The following PRKCE variants were observed in gnomAD, a reference collection of about 807,000 sequenced individuals.
PRKCE encodes protein kinase C epsilon type.
In PRKCE, 16 loss-of-function variants were observed where a neutral mutation model predicts 85.4. The observed-to-expected ratio is 0.19, with a 90% CI of 0.13 to 0.28. The LOEUF is 0.28. Ranked by LOEUF, PRKCE falls within the 10% of genes least tolerant of loss-of-function variation. The pLI is 1.00. For missense variants in PRKCE, 573 were observed against 975.2 expected (o/e 0.59, Z 5.49); for synonymous variants, 388 against 371.5 (o/e 1.04, Z -0.51).
chr2:45,801,178 G>A (rs1322644924), intron 1 of PRKCE, among the ~76,000 whole-genome samples: 1 of 152,180 alleles, frequency 6.6e-6, no homozygotes, highest in Non-Finnish European at 1.5e-5. Context: ...CCACATGTGG[G>A]GACTGATGGC....
intron 6 of PRKCE, among the ~76,000 whole-genome samples, chr2:45,987,763 A>G (rs1384271223): frequency 3.3e-5 from 5 of 152,320 alleles, no homozygotes; most frequent in East Asian, 3.9e-4. Flanking sequence ...CCATGATAGT[A>G]TCATACAGAT....
At position 46,010,550 on chromosome 2, in the gene PRKCE, T is replaced by C. The variant is rs764940576; in HGVS notation, c.1437+33T>C. 1.8e-5 allele frequency: 28 copies of C among 1,598,148 alleles called. No homozygotes were observed. The East Asian group carries it at 6.2e-4, about 36-fold the overall frequency. On this transcript the variant is annotated intron_variant, in intron 10 of 14. Transcript: ENST00000306156. ...AGGAAGAAGCTGGCTGGCTGCCATG[T>C]TGGGGCATCTTGACTATCAGATAAA... is the stretch of plus-strand genomic sequence containing the variant.
At chr2:45,820,395 T>C (rs1392557255) in intron 1 of PRKCE, among the ~76,000 whole-genome samples, 2 of 150,896 alleles carry the variant, frequency 1.3e-5, no homozygotes, top group Admixed American at 1.3e-4. Context: ...AAAATGTAGG[T>C]AGATTTTATT....
chr2:45,656,684 C>T (rs1675394161), intron 1 of PRKCE, among the ~76,000 whole-genome samples: 1 of 152,048 alleles, frequency 6.6e-6, no homozygotes, highest in Non-Finnish European at 1.5e-5. Flanking sequence ...ATCCTCTGGC[C>T]CAACCTTGAG....
intron 6 of PRKCE, among the ~76,000 whole-genome samples, chr2:45,991,065 G>T (rs905313070): frequency 1.3e-5 from 2 of 150,296 alleles, no homozygotes; most frequent in East Asian, 3.9e-4. Flanking sequence ...GGAGTGCAGC[G>T]GTGCAATCTC....
intron 13 of PRKCE, among the ~76,000 whole-genome samples, chr2:46,153,099 G>C (rs1676806869): frequency 6.6e-6 from 1 of 151,868 alleles, no homozygotes; most frequent in African/African-American, 2.4e-5. Context: ...AACATGCTAG[G>C]CATGGTGCTA....
chr2:45,943,549 TG>T (rs1700032523), intron 2 of PRKCE, among the ~76,000 whole-genome samples: 3 of 152,260 alleles, frequency 2.0e-5, no homozygotes, highest in Non-Finnish European at 4.4e-5. Flanking sequence ...AGACTCAAAA[TG>T]GTTGAGGTTA....
chr2:45,707,191 C>T (rs146630195), intron 1 of PRKCE, among the ~76,000 whole-genome samples: 35 of 152,212 alleles, frequency 2.3e-4, no homozygotes, highest in Non-Finnish European at 4.7e-4. Flanking sequence ...AGATATTCCT[C>T]GGCTGGAGCA....
intron 1 of PRKCE, among the ~76,000 whole-genome samples, chr2:45,702,196 C>T (rs144348363): frequency 6.6e-5 from 10 of 152,128 alleles, no homozygotes; most frequent in South Asian, 2.1e-4. Flanking sequence ...CAAAAAACAA[C>T]GACAACAACA....
At chr2:45,951,203 C>T (rs1019940275) in intron 2 of PRKCE, among the ~76,000 whole-genome samples, 2 of 152,182 alleles carry the variant, frequency 1.3e-5, no homozygotes, top group Non-Finnish European at 2.9e-5. Flanking sequence ...TGGGGAGTGG[C>T]TCTGGAGTTT....
chr2:46,026,860 C>T (rs1033822945), intron 10 of PRKCE, among the ~76,000 whole-genome samples: 5 of 152,134 alleles, frequency 3.3e-5, no homozygotes, highest in African/African-American at 9.7e-5. Context: ...AAACAATATT[C>T]TTAGGAGGAA....
intron 2 of PRKCE, among the ~76,000 whole-genome samples, chr2:45,930,151 G>C (rs2104032486): frequency 6.6e-6 from 1 of 152,312 alleles, no homozygotes; most frequent in Non-Finnish European, 1.5e-5. Context: ...CCTGATTACT[G>C]TTCTGTGCGA....
rs56086039 is a variant in PRKCE at position 46,099,500 on chromosome 2, A to ATTTT, written c.1592+13149_1592+13152dup. 4.2e-3 allele frequency among the ~76,000 whole-genome samples: 615 copies of ATTTT among 146,676 alleles called. 5 individuals carry two copies. Among genetic ancestry groups the ATTTT allele is most frequent in the African/African-American group, 0.014 (570 of 39,832 alleles). ...ACCTTTTCCTGGAATAAGGTATGGT[A>ATTTT]TTTTTTTTTTTTTTACGCTAACTTT... On this transcript the variant is annotated intron_variant, in intron 11 of 14. Transcript: ENST00000306156.
chr2:45,920,063 G>T (rs953123177), intron 2 of PRKCE, among the ~76,000 whole-genome samples: 3 of 152,328 alleles, frequency 2.0e-5, no homozygotes, highest in East Asian at 3.9e-4. Flanking sequence ...TGTGGCCCCA[G>T]CCGGTTCAGA....
intron 1 of PRKCE, among the ~76,000 whole-genome samples, chr2:45,757,391 G>A (rs1269758606): frequency 2.0e-5 from 3 of 151,586 alleles, no homozygotes; most frequent in African/African-American, 4.9e-5. Context: ...AAAGAGCTGG[G>A]CATCATAGTT....
intron 10 of PRKCE, among the ~76,000 whole-genome samples, chr2:46,035,893 G>A (rs538088294): frequency 3.9e-5 from 6 of 152,354 alleles, no homozygotes; most frequent in African/African-American, 1.4e-4. Flanking sequence ...TCCTCATAGA[G>A]CTTCAAGTAG....
intron 11 of PRKCE, among the ~76,000 whole-genome samples, chr2:46,102,117 A>C (rs1331817310): frequency 6.6e-6 from 1 of 152,196 alleles, no homozygotes; most frequent in Non-Finnish European, 1.5e-5. Context: ...GAAATCAGCC[A>C]TGATGGTAGT....
chr2:45,905,061 AC>A lies in PRKCE; in HGVS notation c.412+61999del, dbSNP rs902429513. Among the ~76,000 whole-genome samples, 2 of 152,236 alleles carry A rather than the reference AC, an allele frequency of 1.3e-5. No homozygotes were observed. Among genetic ancestry groups the A allele is most frequent in the Non-Finnish European group, 2.9e-5 (2 of 68,036 alleles). On this transcript the variant is annotated intron_variant, in intron 2 of 14. Transcript: ENST00000306156. The surrounding 1 kb of genome is among the most constrained non-coding windows in gnomAD (Gnocchi z 4.4). ...TGACACACAGGACTCACTGGATGCT[AC>A]GGTGTTAATCACACCACTGGTGCTT...
intron 1 of PRKCE, among the ~76,000 whole-genome samples, chr2:45,817,858 T>C (rs1355054196): frequency 6.6e-6 from 1 of 152,200 alleles, no homozygotes; most frequent in Non-Finnish European, 1.5e-5. Flanking sequence ...GCCTGCCCTC[T>C]GAAGGTGAGA....
Sources: allele counts gnomAD v4.1 joint callset (sites outside exome capture counted in the v4.1 genomes callset), GRCh38; gene constraint gnomAD v4.1.1; non-coding constraint Gnocchi (gnomAD v3.1); transcripts MANE v1.5; gene names NCBI Gene and HGNC (gene_info 2026-07-23, HGNC 2026-07-21).